Variants in GRIN2B observed in about 807,000 individuals in gnomAD.
The protein encoded by GRIN2B is glutamate ionotropic receptor NMDA type subunit 2B, also known as glutamate receptor ionotropic, NMDA 2B.
Under a neutral mutation model 114.5 loss-of-function variants are expected in GRIN2B, and 5 were observed. The ratio of observed to expected loss-of-function variants is 0.04; its 90% confidence interval spans 0.02 to 0.09. The LOEUF (loss-of-function observed/expected upper bound fraction) is 0.09. Ranked by LOEUF, GRIN2B falls within the 10% of genes least tolerant of loss-of-function variation. The pLI is 1.00. For missense variants in GRIN2B, 1,108 were observed against 1,943.5 expected (o/e 0.57, Z 8.08); for synonymous variants, 787 against 745.1 (o/e 1.06, Z -0.92).
chr12:13,786,337 T>A (rs950548159), intron 3 of GRIN2B, among the ~76,000 whole-genome samples: 1 of 152,182 alleles, frequency 6.6e-6, no homozygotes, highest in African/African-American at 2.4e-5. Flanking sequence ...AATATACAAC[T>A]GAACTAAATG....
chr12:13,846,599 T>C (rs11055642), intron 3 of GRIN2B, among the ~76,000 whole-genome samples: 20,475 of 152,210 alleles, frequency 0.13, 1,507 homozygotes, highest in African/African-American at 0.17. Flanking sequence ...GTAGGATCTA[T>C]GTGAAAAAGC....
At chr12:13,827,537 C>T (rs948720175) in intron 3 of GRIN2B, among the ~76,000 whole-genome samples, 10 of 152,054 alleles carry the variant, frequency 6.6e-5, no homozygotes, top group African/African-American at 2.2e-4. Flanking sequence ...AATGCCTAAT[C>T]TACCATTAAT....
rs1948531778 is a variant in GRIN2B at position 13,560,708 on chromosome 12, C to T, written c.*2075G>A. 6.6e-6 allele frequency: 1 copy of T among 152,248 alleles called. No homozygotes were observed. Among genetic ancestry groups the T allele is most frequent in the Admixed American group, 6.5e-5 (1 of 15,294 alleles). The allele number at this position is 152,248 out of a possible 1,614,324, so 9.4% of individuals were successfully genotyped here. A position where few individuals can be genotyped will look rare whatever the true frequency, so the allele number is the denominator to read the frequency against. Reference sequence around the variant, plus strand: ...CCTCTCACCAAATCTGTGAGAGGTTCAGCCCCTTGCCCCCATGTTCATTTT... The same window carrying T: ...CCTCTCACCAAATCTGTGAGAGGTTTAGCCCCTTGCCCCCATGTTCATTTT... On this transcript the variant is annotated 3_prime_UTR_variant, in exon 14 of 14. Coordinates refer to ENST00000609686, the MANE Select transcript of GRIN2B (RefSeq NM_000834.5).
chr12:13,790,322 C>T (rs1022503939), intron 3 of GRIN2B, among the ~76,000 whole-genome samples: 9 of 152,210 alleles, frequency 5.9e-5, no homozygotes, highest in Admixed American at 5.9e-4. Context: ...CCCTCCCATC[C>T]TGGCTCTTCA....
At position 13,537,426 on chromosome 12, in the gene GRIN2B, T is replaced by C. The variant is rs1208637536; in HGVS notation, c.*25357A>G. 6.6e-6 allele frequency: 1 copy of C among 152,122 alleles called. No individual in the cohort carries two copies. Among genetic ancestry groups the C allele is most frequent in the East Asian group, 1.9e-4 (1 of 5,160 alleles). The allele number at this position is 152,122 out of a possible 1,614,324, so 9.4% of individuals were successfully genotyped here. On this transcript the variant is annotated 3_prime_UTR_variant, in exon 14 of 14. Transcript: ENST00000609686. ...TATATCTAGCCGTGTATGCTGGGGA[T>C]AGGCAGAATTAGAGAACGAGGCTGT...
chr12:13,569,349 C>T (rs1948678571), intron 12 of GRIN2B, among the ~76,000 whole-genome samples: 2 of 152,076 alleles, frequency 1.3e-5, no homozygotes, highest in African/African-American at 4.8e-5. Context: ...TATGGTGAAC[C>T]CCTAATCTAA....
chr12:13,729,839 A>G (rs1310821935), intron 4 of GRIN2B, among the ~76,000 whole-genome samples: 2 of 146,444 alleles, frequency 1.4e-5, no homozygotes, highest in Non-Finnish European at 3.0e-5. Flanking sequence ...GTGGGAGGAT[A>G]AGGGTGAGGA....
chr12:13,702,058 CAAAT>C (rs1045187991), intron 4 of GRIN2B, among the ~76,000 whole-genome samples: 3 of 152,180 alleles, frequency 2.0e-5, no homozygotes, highest in Non-Finnish European at 4.4e-5. Flanking sequence ...AATTTGCCGA[CAAAT>C]AATCACATTA....
At position 13,552,547 on chromosome 12, in the gene GRIN2B, C is replaced by G. The variant is rs886954209; in HGVS notation, c.*10236G>C. 6.6e-5 allele frequency: 10 copies of G among 151,922 alleles called. No individual in the cohort carries two copies. Among genetic ancestry groups the G allele is most frequent in the Admixed American group, 6.5e-4 (10 of 15,274 alleles). The allele number at this position is 151,922 out of a possible 1,614,324, so 9.4% of individuals were successfully genotyped here. A position where few individuals can be genotyped will look rare whatever the true frequency, so the allele number is the denominator to read the frequency against. ...CATGAACAGTTCATGGCTAAAATGC[C>G]TAGAATTTTGGTCCATTTATTGGCC... On this transcript the variant is annotated 3_prime_UTR_variant, in exon 14 of 14. Coordinates refer to ENST00000609686, the MANE Select transcript of GRIN2B (RefSeq NM_000834.5).
At chr12:13,612,027 G>A (rs1338819642) in intron 8 of GRIN2B, among the ~76,000 whole-genome samples, 177 bp from the exon 9 acceptor site, 1 of 152,216 alleles carries the variant, frequency 6.6e-6, no homozygotes, top group Non-Finnish European at 1.5e-5. Flanking sequence ...AAAGGTCAAG[G>A]ATTGCCTTCC....
At chr12:13,854,494 G>T (rs959855788) in intron 3 of GRIN2B, among the ~76,000 whole-genome samples, 1 of 151,718 alleles carries the variant, frequency 6.6e-6, no homozygotes. Flanking sequence ...TGGGTGACAG[G>T]GTGAGACTCC....
Position 13,980,172 on chromosome 12 carries a change from T to C in GRIN2B, c.-263A>G, listed in dbSNP as rs1306175501. ...TCAGGGTATGGAGAGCAGCTCACAA[T>C]GCAGAATCCAGAGTAATTATTCCGT... On this transcript the variant is annotated 5_prime_UTR_variant, in exon 2 of 14. Coordinates refer to ENST00000609686, the MANE Select transcript of GRIN2B (RefSeq NM_000834.5). 1 of 152,206 alleles carries C rather than the reference T, an allele frequency of 6.6e-6. No homozygotes were observed. Among genetic ancestry groups the C allele is most frequent in the Non-Finnish European group, 1.5e-5 (1 of 68,038 alleles). 9.4% of individuals were successfully genotyped at this position (152,206 alleles called of 1,614,324 possible).
intron 3 of GRIN2B, among the ~76,000 whole-genome samples, chr12:13,768,805 C>T (rs1310265036): frequency 2.0e-5 from 3 of 152,114 alleles, no homozygotes; most frequent in Admixed American, 6.5e-5. Context: ...GAGGCCAAGG[C>T]GGGAGGATCA....
chr12:13,980,827 C>T (rs1418418512), intron 1 of GRIN2B, among the ~76,000 whole-genome samples: 1 of 152,232 alleles, frequency 6.6e-6, no homozygotes, highest in East Asian at 1.9e-4. Flanking sequence ...CCACCCCGGG[C>T]TTGTGCTGAA....
chr12:13,919,102 A>G (rs560745135), intron 2 of GRIN2B, among the ~76,000 whole-genome samples: 3 of 152,336 alleles, frequency 2.0e-5, no homozygotes, highest in Non-Finnish European at 4.4e-5. Flanking sequence ...GCAAATTCCA[A>G]AAGCTCTACA....
chr12:13,928,186 C>T (rs988900530), intron 2 of GRIN2B, among the ~76,000 whole-genome samples: 6 of 151,664 alleles, frequency 4.0e-5, no homozygotes, highest in Non-Finnish European at 5.9e-5. Context: ...TGGCACGCAC[C>T]TGCAATCCCA....
chr12:13,831,682 C>G (rs1865149735), intron 3 of GRIN2B, among the ~76,000 whole-genome samples: 1 of 152,220 alleles, frequency 6.6e-6, no homozygotes, highest in Non-Finnish European at 1.5e-5. Flanking sequence ...CCCACAATTC[C>G]CTCTAGACCA....
chr12:13,571,013 T>C (rs570716626), intron 11 of GRIN2B, among the ~76,000 whole-genome samples: 1 of 152,338 alleles, frequency 6.6e-6, no homozygotes, highest in Admixed American at 6.5e-5. Context: ...TGAAATCTTC[T>C]GTGACTGTAT....
At chr12:13,720,513 C>G (rs116473583) in intron 4 of GRIN2B, among the ~76,000 whole-genome samples, 3,700 of 152,148 alleles carry the variant, frequency 0.024, 156 homozygotes, top group African/African-American at 0.085. Flanking sequence ...AAAGCAAAGT[C>G]TAGTCTGTCA....
Sources: allele counts gnomAD v4.1 joint callset (sites outside exome capture counted in the v4.1 genomes callset), GRCh38; gene constraint gnomAD v4.1.1; transcripts MANE v1.5; gene names NCBI Gene and HGNC (gene_info 2026-07-23, HGNC 2026-07-21).